The following SAMD12 variants were observed in gnomAD, a reference collection of about 807,000 sequenced individuals.
SAMD12 encodes the protein sterile alpha motif domain containing 12, also known as sterile alpha motif domain-containing protein 12.
A neutral mutation model predicts 15.0 loss-of-function variants in SAMD12; 9 were observed. The observed-to-expected ratio is 0.60, with a 90% confidence interval of 0.36 to 1.05. SAMD12 has a LOEUF of 1.05. Ranked by LOEUF, SAMD12 falls within the 50% of genes least tolerant of loss-of-function variation. The probability of loss-of-function intolerance (pLI) is 0.01; values close to 1 mark genes in which losing one functional copy is unlikely to be tolerated. For missense variants in SAMD12, 230 were observed against 234.2 expected (o/e 0.98, Z 0.12); for synonymous variants, 86 against 90.1 (o/e 0.96, Z 0.25).
chr8:118,342,893 CT>C (rs1284724658), intron 4 of SAMD12, among the ~76,000 whole-genome samples: 2 of 152,130 alleles, frequency 1.3e-5, no homozygotes, highest in Non-Finnish European at 2.9e-5. Context: ...ATGGTGCCTC[CT>C]TTGAGGAGTT....
chr8:118,459,809 C>T (rs145962245), intron 2 of SAMD12, among the ~76,000 whole-genome samples: 18 of 152,288 alleles, frequency 1.2e-4, no homozygotes, highest in Admixed American at 3.9e-4. Context: ...ATCAAGTCTC[C>T]ACTACATGCA....
rs556399775 is a variant in SAMD12 at position 118,217,774 on chromosome 8, A to G, written c.434-20042T>C. On this transcript the variant is annotated intron_variant, in intron 4 of 4. Coordinates refer to the SAMD12 transcript ENST00000409003. Reference sequence around the variant, plus strand: ...ATTCAATTGTACAAGGCTATGTCCAAGGCTCTCCATAATCTTTATCCAACC... The same window carrying G: ...ATTCAATTGTACAAGGCTATGTCCAGGGCTCTCCATAATCTTTATCCAACC... 9.8e-5 allele frequency among the ~76,000 whole-genome samples: 15 copies of G among 152,312 alleles called. No homozygotes were observed. In the East Asian group the frequency reaches 2.1e-3, roughly 22 times the overall value.
intron 3 of SAMD12, among the ~76,000 whole-genome samples, chr8:118,422,140 T>A (rs1369212924): frequency 1.3e-5 from 2 of 152,214 alleles, no homozygotes; most frequent in Admixed American, 1.3e-4. Context: ...AGTTCAGTGC[T>A]AAGACTATCA....
intron 2 of SAMD12, among the ~76,000 whole-genome samples, chr8:118,540,461 C>T (rs943681972): frequency 1.3e-5 from 2 of 152,124 alleles, no homozygotes; most frequent in Non-Finnish European, 2.9e-5. Flanking sequence ...TCTAATATAT[C>T]AGCATGCAGT....
intron 3 of SAMD12, among the ~76,000 whole-genome samples, chr8:118,429,895 C>T (rs1218319506): frequency 6.6e-6 from 1 of 151,680 alleles, no homozygotes; most frequent in Non-Finnish European, 1.5e-5. Context: ...TTCTGTCACA[C>T]ACATACAAAA....
chr8:118,522,985 C>T (rs1337315205), intron 2 of SAMD12, among the ~76,000 whole-genome samples: 3 of 152,098 alleles, frequency 2.0e-5, no homozygotes, highest in Non-Finnish European at 4.4e-5. Context: ...GGAGGTCATT[C>T]TGATATTTGA....
chr8:118,531,745 T>C (rs1027617215), intron 2 of SAMD12, among the ~76,000 whole-genome samples: 9 of 152,226 alleles, frequency 5.9e-5, no homozygotes, highest in Non-Finnish European at 1.3e-4. Flanking sequence ...TATTGGTGTA[T>C]AAGAATGCTT....
At chr8:118,376,236 G>C (rs1320049614), downstream of SAMD12, among the ~76,000 whole-genome samples, 1 of 152,134 alleles carries the variant, frequency 6.6e-6, no homozygotes, top group Non-Finnish European at 1.5e-5. Flanking sequence ...AAAATGCGTT[G>C]GTTAGTAAAT....
intron 2 of SAMD12, among the ~76,000 whole-genome samples, chr8:118,465,361 T>G (rs1823564586): frequency 6.6e-6 from 1 of 152,184 alleles, no homozygotes; most frequent in South Asian, 2.1e-4. Flanking sequence ...AACATTTATT[T>G]TATTTTCTAG....
intron 4 of SAMD12, among the ~76,000 whole-genome samples, chr8:118,342,284 A>T (rs1204821639): frequency 1.0e-5 from 1 of 95,766 alleles, no homozygotes; most frequent in African/African-American, 5.0e-5. Context: ...ACAGAGCAAG[A>T]CTTTGTCTCA....
intron 4 of SAMD12, among the ~76,000 whole-genome samples, chr8:118,325,777 C>T (rs1305759855): frequency 3.3e-5 from 5 of 152,146 alleles, no homozygotes; most frequent in African/African-American, 1.2e-4. Context: ...GATTGTAGTC[C>T]TCTCTATTTT....
chr8:118,545,973 GA>G (rs1337370418), intron 2 of SAMD12, among the ~76,000 whole-genome samples: 1 of 152,160 alleles, frequency 6.6e-6, no homozygotes, highest in Non-Finnish European at 1.5e-5. Context: ...GAGCTTATGT[GA>G]GTGGTCGAGC....
At chr8:118,576,737 A>T (rs538225843) in intron 2 of SAMD12, among the ~76,000 whole-genome samples, 1 of 152,224 alleles carries the variant, frequency 6.6e-6, no homozygotes, top group Non-Finnish European at 1.5e-5. Context: ...GGTCTTTAGG[A>T]GCTGTGGCTT....
chr8:118,409,345 T>C (rs1388340640), intron 3 of SAMD12, among the ~76,000 whole-genome samples: 3 of 152,056 alleles, frequency 2.0e-5, no homozygotes, highest in Non-Finnish European at 4.4e-5. Flanking sequence ...AATTTCATTG[T>C]TCATTCAGCA....
At chr8:118,427,592 ATG>A (rs1254330030) in intron 3 of SAMD12, among the ~76,000 whole-genome samples, 2 of 145,732 alleles carry the variant, frequency 1.4e-5, no homozygotes, top group Non-Finnish European at 3.0e-5. Context: ...ACCGAGCACA[ATG>A]TGAGATTCAC....
chr8:118,479,355 C>T (rs1824055029), intron 2 of SAMD12, among the ~76,000 whole-genome samples: 1 of 152,202 alleles, frequency 6.6e-6, no homozygotes, highest in South Asian at 2.1e-4. Context: ...GATGGACTCA[C>T]AGTTCCACAT....
Position 118,458,950 on chromosome 8 carries a change from A to ATGTGTG in SAMD12, c.193-18995_193-18990dup, listed in dbSNP as rs56067272. Reference sequence around the variant, plus strand: ...CAAATAGTAAAGTCTTCAGCTATATATGTGTGTGTGTGTGTGTGTGTGTGT... The same window carrying ATGTGTG: ...CAAATAGTAAAGTCTTCAGCTATATATGTGTGTGTGTGTGTGTGTGTGTGTGTGTGT... On this transcript the variant is annotated intron_variant, in intron 2 of 3. Transcript: ENST00000314727. Among the ~76,000 whole-genome samples, 117 of 149,374 alleles carry ATGTGTG rather than the reference A, an allele frequency of 7.8e-4. 1 individual carries two copies. The highest frequency in any genetic ancestry group is 2.4e-3 in the African/African-American group (97 of 40,640).
chr8:118,424,255 A>T (rs1822148044), intron 3 of SAMD12, among the ~76,000 whole-genome samples: 1 of 152,216 alleles, frequency 6.6e-6, no homozygotes, highest in African/African-American at 2.4e-5. Context: ...GTATATCTGT[A>T]ACACATATAT....
chr8:118,346,460 C>A (rs761906506), intron 4 of SAMD12, among the ~76,000 whole-genome samples: 39 of 152,252 alleles, frequency 2.6e-4, no homozygotes, highest in South Asian at 8.3e-4. Flanking sequence ...CTTCGGAACC[C>A]TAACATTTTT....
Sources: gnomAD v4.1 joint callset for allele counts (sites outside exome capture counted in the v4.1 genomes callset) on GRCh38, gnomAD v4.1.1 for gene constraint, MANE v1.5 for transcripts, NCBI Gene and HGNC (gene_info 2026-07-23, HGNC 2026-07-21) for gene names.